Variants in FHIT observed in about 807,000 individuals in gnomAD.
FHIT encodes bis(5'-adenosyl)-triphosphatase.
A neutral mutation model predicts 17.9 loss-of-function variants in FHIT; 19 were observed. That is an observed-to-expected ratio of 1.06 (90% CI 0.74 to 1.56). FHIT has a LOEUF of 1.56. Among genes scored for constraint, FHIT ranks in the 40% most tolerant of loss-of-function variants. FHIT has a pLI of 0.00. For missense variants in FHIT, 248 were observed against 189.2 expected (o/e 1.31, Z -1.82); for synonymous variants, 81 against 69.7 (o/e 1.16, Z -0.81).
chr3:60,364,540 A>G (rs1019768517), intron 5 of FHIT, among the ~76,000 whole-genome samples: 1 of 152,240 alleles, frequency 6.6e-6, no homozygotes, highest in Non-Finnish European at 1.5e-5. Context: ...TATTGCTGTT[A>G]CATATATTCT....
intron 5 of FHIT, among the ~76,000 whole-genome samples, chr3:60,533,260 G>C (rs1158307977): frequency 3.3e-5 from 5 of 152,162 alleles, no homozygotes; most frequent in Admixed American, 2.6e-4. Context: ...CCTTGGGGAT[G>C]GGAAACGGGA....
intron 3 of FHIT, among the ~76,000 whole-genome samples, chr3:60,825,343 T>C (rs1229943407): frequency 1.3e-5 from 2 of 152,212 alleles, no homozygotes; most frequent in Non-Finnish European, 2.9e-5. Flanking sequence ...AAAGGACATA[T>C]GGCTGTTAAA....
rs561715455 is a variant in FHIT, at chr3:60,457,943, G to T, written c.103+78917C>A. Among the ~76,000 whole-genome samples the T allele has an allele frequency of 1.7e-3, 257 of 152,264 alleles. 1 individual carries two copies. The highest frequency in any genetic ancestry group is 5.8e-3 in the African/African-American group (243 of 41,546). ...AAAAGTCAGGAAACAACAGGTGCTG[G>T]AGAGGATGTGGAGAAATAGGAACAC... On this transcript the variant is annotated intron_variant, in intron 5 of 9. Coordinates refer to ENST00000492590, the MANE Select transcript of FHIT (RefSeq NM_002012.4).
At chr3:60,608,592 A>C (rs2856033) in intron 4 of FHIT, among the ~76,000 whole-genome samples, 126,492 of 149,714 alleles carry the variant, frequency 0.84, 53,098 homozygotes, top group Non-Finnish European at 0.88. Flanking sequence ...TTTTTTTCCC[A>C]CCAGGAAAAA....
intron 4 of FHIT, among the ~76,000 whole-genome samples, chr3:60,630,256 G>C (rs1559597846): frequency 6.6e-6 from 1 of 152,208 alleles, no homozygotes. Flanking sequence ...GATTCCATCA[G>C]TTTTATAAAT....
intron 5 of FHIT, among the ~76,000 whole-genome samples, chr3:60,283,304 T>C (rs1166166481): frequency 6.6e-6 from 1 of 152,096 alleles, no homozygotes. Context: ...CCTCAAGTCA[T>C]CCAGTTCCAA....
At chr3:60,522,864 T>C (rs112962465) in intron 5 of FHIT, among the ~76,000 whole-genome samples, 2 of 152,268 alleles carry the variant, frequency 1.3e-5, no homozygotes, top group African/African-American at 4.8e-5. Flanking sequence ...CCCATCTGTT[T>C]TTGTTGGTTT....
At chr3:60,373,011 T>C (rs930447683) in intron 5 of FHIT, among the ~76,000 whole-genome samples, 2 of 151,430 alleles carry the variant, frequency 1.3e-5, no homozygotes, top group African/African-American at 4.8e-5. Flanking sequence ...GTCAAAATAA[T>C]TGGATTAAAA....
chr3:61,161,064 C>T (rs2037675499), intron 2 of FHIT, among the ~76,000 whole-genome samples: 1 of 150,494 alleles, frequency 6.6e-6, no homozygotes, highest in South Asian at 2.1e-4. Flanking sequence ...ATTTAGCAAA[C>T]AGTAAGCCTG....
chr3:61,096,179 T>C (rs2035632213), intron 2 of FHIT, among the ~76,000 whole-genome samples: 1 of 152,136 alleles, frequency 6.6e-6, no homozygotes, highest in African/African-American at 2.4e-5. Context: ...CCCTAAATGA[T>C]GCTGTGCAAG....
chr3:60,956,658 T>G (rs1382016732), intron 3 of FHIT, among the ~76,000 whole-genome samples: 5 of 151,862 alleles, frequency 3.3e-5, no homozygotes, highest in African/African-American at 1.2e-4. Context: ...ACATAAGGAG[T>G]TACCAATTCC....
intron 8 of FHIT, among the ~76,000 whole-genome samples, chr3:59,752,750 C>T (rs987956970): frequency 6.6e-6 from 1 of 152,158 alleles, no homozygotes; most frequent in African/African-American, 2.4e-5. Flanking sequence ...CTCTCTTCCT[C>T]CTGCTCCAGC....
intron 2 of FHIT, among the ~76,000 whole-genome samples, chr3:61,136,198 G>C (rs2036909756): frequency 6.6e-6 from 1 of 151,832 alleles, no homozygotes; most frequent in South Asian, 2.1e-4. Context: ...GTTAGGCAAT[G>C]CCACCACCAC....
At chr3:60,620,007 A>G (rs2039073271) in intron 4 of FHIT, among the ~76,000 whole-genome samples, 1 of 152,244 alleles carries the variant, frequency 6.6e-6, no homozygotes. Flanking sequence ...AGACTTGAAC[A>G]GACACCTCAC....
intron 3 of FHIT, among the ~76,000 whole-genome samples, chr3:60,863,710 CTG>C (rs1231256612): frequency 1.3e-5 from 2 of 152,174 alleles, no homozygotes; most frequent in African/African-American, 4.8e-5. Flanking sequence ...GTATTATCCT[CTG>C]TTTATAACAG....
At chr3:60,093,737 G>C (rs1438701235) in intron 5 of FHIT, among the ~76,000 whole-genome samples, 3 of 152,146 alleles carry the variant, frequency 2.0e-5, no homozygotes, top group Admixed American at 6.5e-5. Flanking sequence ...TAGAATGCGG[G>C]CTCCTTATGA....
chr3:59,932,569 TG>T (rs1411042126), intron 7 of FHIT, among the ~76,000 whole-genome samples: 10 of 152,332 alleles, frequency 6.6e-5, no homozygotes, highest in African/African-American at 1.9e-4. Flanking sequence ...GACGGTAATG[TG>T]GCTTAAGAGA....
intron 5 of FHIT, among the ~76,000 whole-genome samples, chr3:60,447,459 AAAC>A (rs1419680915): frequency 6.6e-6 from 1 of 152,180 alleles, no homozygotes; most frequent in Non-Finnish European, 1.5e-5. Context: ...ATTCTATTCC[AAAC>A]AACATGACAA....
intron 5 of FHIT, among the ~76,000 whole-genome samples, chr3:60,051,700 G>T (rs1701887266): frequency 1.3e-5 from 2 of 152,146 alleles, no homozygotes; most frequent in Non-Finnish European, 2.9e-5. Flanking sequence ...ACACAAAAGT[G>T]GAGGTTTCCC....
Sources: allele counts gnomAD v4.1 joint callset (sites outside exome capture counted in the v4.1 genomes callset), GRCh38; gene constraint gnomAD v4.1.1; transcripts MANE v1.5; gene names NCBI Gene and HGNC (gene_info 2026-07-23, HGNC 2026-07-21).